Variants in PSAT1 observed in about 807,000 individuals in gnomAD.
PSAT1 encodes the protein phosphoserine aminotransferase 1.
PSAT1 carries 41 observed loss-of-function variants against 40.3 expected under a neutral mutation model. That is an observed-to-expected ratio of 1.02 (90% CI 0.79 to 1.32). The LOEUF (loss-of-function observed/expected upper bound fraction) is 1.32. Ranked by LOEUF, PSAT1 falls within the 40% of genes most tolerant of loss-of-function variation. PSAT1 has a pLI of 0.00. For missense variants in PSAT1, 406 were observed against 455.8 expected (o/e 0.89, Z 0.99); for synonymous variants, 147 against 170.5 (o/e 0.86, Z 1.07).
intron 6 of PSAT1, among the ~76,000 whole-genome samples, 158 bp downstream of exon 6, chr9:78,308,741 A>C (rs768227963): frequency 2.0e-5 from 3 of 152,208 alleles, no homozygotes; most frequent in Non-Finnish European, 4.4e-5. Flanking sequence ...GGACCACTTG[A>C]GGTCAGGAGC....
chr9:78,297,967 C>A (rs1415531031), intron 1 of PSAT1, among the ~76,000 whole-genome samples: 5 of 152,098 alleles, frequency 3.3e-5, no homozygotes, highest in African/African-American at 1.2e-4. Flanking sequence ...TCCCCACCCC[C>A]CTCCTTTTTT....
At chr9:78,298,298 A>AAT in intron 1 of PSAT1, 1 of 985,372 alleles carries the variant, frequency 1.0e-6, no homozygotes, top group Non-Finnish European at 1.2e-6. Context: ...TAGAGCTGAT[A>AAT]ATATGTTGGA....
chr9:78,309,602 AT>A (rs2118655625), intron 6 of PSAT1, among the ~76,000 whole-genome samples: 1 of 152,342 alleles, frequency 6.6e-6, no homozygotes, highest in East Asian at 1.9e-4. Flanking sequence ...ACCTCAGGTT[AT>A]CCGCCGGCTT....
At chr9:78,301,337 A>C (rs1346296845) in intron 2 of PSAT1, among the ~76,000 whole-genome samples, 1 of 152,140 alleles carries the variant, frequency 6.6e-6, no homozygotes, top group Non-Finnish European at 1.5e-5. Flanking sequence ...ATTATACTTA[A>C]ATACAACCTC....
intron 1 of PSAT1, among the ~76,000 whole-genome samples, chr9:78,298,160 T>TCCCCCCCCCCCCCCCACCC (rs1472824596): frequency 7.2e-6 from 1 of 139,438 alleles, no homozygotes; most frequent in Admixed American, 7.4e-5. Context: ...GCCCGGCTCC[T>TCCCCCCCCCCCCCCCACCC]CCCCTCCCCC....
At chr9:78,312,050 CTTT>C (rs1210994021) in intron 6 of PSAT1, among the ~76,000 whole-genome samples, 1 of 128,738 alleles carries the variant, frequency 7.8e-6, no homozygotes, top group Non-Finnish European at 1.6e-5. Flanking sequence ...GAAAAGACGC[CTTT>C]TTTTTTTTTT....
chr9:78,298,949 A>G lies in PSAT1; in HGVS notation c.61-1653A>G, dbSNP rs142272468. Among the ~76,000 whole-genome samples, 598 of 152,210 alleles carry G rather than the reference A, an allele frequency of 3.9e-3. 1 individual carries two copies. Among genetic ancestry groups the G allele is most frequent in the Non-Finnish European group, 5.4e-3 (370 of 68,016 alleles). ...TGTGACATACACTATTTTGTATTCTATCCTGCTCTAGTCTGTTCTGTTTCA... is the reference window on the plus strand; with the variant it reads ...TGTGACATACACTATTTTGTATTCTGTCCTGCTCTAGTCTGTTCTGTTTCA... On this transcript the variant is annotated intron_variant, in intron 1 of 8. Transcript: ENST00000376588.
chr9:78,322,133 T>A (rs1828437531), intron 7 of PSAT1, among the ~76,000 whole-genome samples: 1 of 149,028 alleles, frequency 6.7e-6, no homozygotes, highest in Admixed American at 6.7e-5. Context: ...ATTAATTATA[T>A]AAGTATATAA....
intron 5 of PSAT1, among the ~76,000 whole-genome samples, chr9:78,306,892 TTA>T (rs1828192323): frequency 1.3e-5 from 2 of 152,198 alleles, no homozygotes; most frequent in African/African-American, 2.4e-5. Flanking sequence ...GGATACCGTT[TTA>T]TGAGTGGCTT....
chr9:78,304,766 C>T lies in PSAT1; in HGVS notation c.223C>T (p.Leu75=). ...TCCAGACAACTATAAGGTGATTTTTCTGCAAGGAGGTGGGTGCGGCCAGTT... is the reference window on the plus strand; with the variant it reads ...TCCAGACAACTATAAGGTGATTTTTTTGCAAGGAGGTGGGTGCGGCCAGTT... ...AVPDNYKVIF[L]QGGGCGQFSA... The change falls in exon 4 of 9, where the codon CTG becomes TTG. Residue 75 remains leucine, a synonymous_variant. Coordinates refer to ENST00000376588, the MANE Select transcript of PSAT1 (RefSeq NM_058179.4). The T allele has an allele frequency of 6.2e-7, 1 of 1,614,142 alleles. No homozygotes were observed. Among genetic ancestry groups the T allele is most frequent in the Non-Finnish European group, 8.5e-7 (1 of 1,180,006 alleles).
intron 7 of PSAT1, among the ~76,000 whole-genome samples, chr9:78,320,500 T>TATCC (rs72361505): frequency 2.7e-5 from 4 of 146,180 alleles, no homozygotes; most frequent in Non-Finnish European, 6.0e-5. Context: ...CCCATCTATC[T>TATCC]ATCCATCCAT....
At chr9:78,320,682 TCCAA>T (rs1828417437) in intron 7 of PSAT1, among the ~76,000 whole-genome samples, 1 of 45,110 alleles carries the variant, frequency 2.2e-5, no homozygotes, top group Non-Finnish European at 8.7e-5. Context: ...TGTCCATCCA[TCCAA>T]CCGTCCATCC....
intron 1 of PSAT1, among the ~76,000 whole-genome samples, chr9:78,299,144 CAAAAAAAAAAAAAA>C (rs71360679): frequency 3.4e-5 from 3 of 87,288 alleles, no homozygotes; most frequent in African/African-American, 4.6e-5. Flanking sequence ...TGTCTCTTAA[CAAAAAAAAAAAAAA>C]AAAAAAAAAA....
chr9:78,325,855 C>G (rs1441060314), intron 7 of PSAT1, among the ~76,000 whole-genome samples: 1 of 152,150 alleles, frequency 6.6e-6, no homozygotes, highest in African/African-American at 2.4e-5. Flanking sequence ...CTTCTACTTT[C>G]ATGATAGGAT....
At chr9:78,317,531 G>T in intron 6 of PSAT1, 145 bp from the exon 7 acceptor site, 1 of 1,027,448 alleles carries the variant, frequency 9.7e-7, no homozygotes, top group East Asian at 2.4e-5. Context: ...GATTACGGGC[G>T]TGAGCCACTG....
chr9:78,299,258 A>G (rs1828072637), intron 1 of PSAT1, among the ~76,000 whole-genome samples: 1 of 149,718 alleles, frequency 6.7e-6, no homozygotes, highest in Non-Finnish European at 1.5e-5. Context: ...TTTCAGTAGG[A>G]GTCTTTAAAA....
chr9:78,297,832 T>TA (rs1182695472), intron 1 of PSAT1, among the ~76,000 whole-genome samples: 2 of 152,230 alleles, frequency 1.3e-5, no homozygotes, highest in African/African-American at 4.8e-5. Flanking sequence ...CCCTACGCCT[T>TA]ACACCAGTGT....
intron 7 of PSAT1, among the ~76,000 whole-genome samples, chr9:78,326,955 A>ATATATATTTTTTT: frequency 1.6e-4 from 12 of 75,934 alleles, no homozygotes; most frequent in South Asian, 4.4e-4. Context: ...ATATATATAT[A>ATATATATTTTTTT]TTTTTTTTTT....
intron 6 of PSAT1, among the ~76,000 whole-genome samples, chr9:78,312,190 G>A (rs570650122): frequency 6.6e-6 from 1 of 152,094 alleles, no homozygotes; most frequent in Admixed American, 6.5e-5. Flanking sequence ...ACACACTGCT[G>A]TTCTCTTTAA....
Sources: gnomAD v4.1 joint callset for allele counts (sites outside exome capture counted in the v4.1 genomes callset) on GRCh38, gnomAD v4.1.1 for gene constraint, MANE v1.5 for transcripts, NCBI Gene and HGNC (gene_info 2026-07-23, HGNC 2026-07-21) for gene names.